The following TSPAN9 variants were observed in gnomAD, a reference collection of about 807,000 sequenced individuals.
TSPAN9 encodes the protein tetraspanin-9.
In TSPAN9, 16 loss-of-function variants were observed where a neutral mutation model predicts 31.0. The ratio of observed to expected loss-of-function variants is 0.52; its 90% CI spans 0.35 to 0.78. TSPAN9 has a LOEUF of 0.78. Among genes scored for constraint, TSPAN9 ranks in the 30% least tolerant of loss-of-function variants. TSPAN9 has a pLI of 0.01. For synonymous variants in TSPAN9, 145 were observed against 121.6 expected (o/e 1.19, Z -1.27); for missense variants, 272 against 312.5 (o/e 0.87, Z 0.98).
At chr12:3,161,022 A>G (rs573594619) in intron 2 of TSPAN9, among the ~76,000 whole-genome samples, 1 of 152,276 alleles carries the variant, frequency 6.6e-6, no homozygotes, top group African/African-American at 2.4e-5. Flanking sequence ...GCAGTTCTAG[A>G]TCAGCCTGAC....
rs2098364973 is a variant in TSPAN9 at position 3,192,542 on chromosome 12, T to C, written c.-17-8635T>C. 6.6e-6 allele frequency among the ~76,000 whole-genome samples: 1 copy of C among 151,878 alleles called. No homozygotes were observed. The highest frequency in any genetic ancestry group is 2.4e-5 in the African/African-American group (1 of 41,342). On this transcript the variant is annotated intron_variant, in intron 2 of 8. Coordinates refer to ENST00000011898, the MANE Select transcript of TSPAN9 (RefSeq NM_006675.5). The surrounding 1 kb of genome is among the most constrained non-coding windows in gnomAD (Gnocchi z 4.6). ...GCAGTGGGGTGAAAACTTAAGCCATTTGTTGAGAAGGAGCGGATAGTGCCA... is the reference window on the plus strand; with the variant it reads ...GCAGTGGGGTGAAAACTTAAGCCATCTGTTGAGAAGGAGCGGATAGTGCCA...
At chr12:3,256,374 A>G (rs746178766) in intron 3 of TSPAN9, among the ~76,000 whole-genome samples, 19 of 152,226 alleles carry the variant, frequency 1.2e-4, no homozygotes, top group Non-Finnish European at 2.5e-4. Context: ...CACTTGCCGC[A>G]GGGGTCCGGC....
chr12:3,263,828 G>A (rs2153979301), intron 3 of TSPAN9, among the ~76,000 whole-genome samples: 1 of 152,338 alleles, frequency 6.6e-6, no homozygotes, highest in Admixed American at 6.5e-5. Context: ...GGAGGAAGAG[G>A]TGGGGCTTCA....
chr12:3,207,722 G>A (rs1434670054), intron 3 of TSPAN9, among the ~76,000 whole-genome samples: 1 of 152,086 alleles, frequency 6.6e-6, no homozygotes, highest in Admixed American at 6.6e-5. Context: ...AATCTCCCTT[G>A]CAGTGGCTAG....
chr12:3,230,437 C>T (rs539473042), intron 3 of TSPAN9, among the ~76,000 whole-genome samples: 1 of 152,212 alleles, frequency 6.6e-6, no homozygotes, highest in Non-Finnish European at 1.5e-5. Context: ...TCCCTGCCTG[C>T]CTTCACCCCA....
chr12:3,220,740 C>T (rs2098384051), intron 3 of TSPAN9, among the ~76,000 whole-genome samples: 1 of 151,686 alleles, frequency 6.6e-6, no homozygotes, highest in South Asian at 2.1e-4. Context: ...AGACCTGTTT[C>T]CTGTGCTGCC....
At position 3,107,999 on chromosome 12, in the gene TSPAN9, T is replaced by C. The variant is rs1357318114; in HGVS notation, c.-18+24280T>C. Among the ~76,000 whole-genome samples the C allele has an allele frequency of 6.6e-6, 1 of 152,184 alleles. No homozygotes were observed. The highest frequency in any genetic ancestry group is 1.5e-5 in the Non-Finnish European group (1 of 68,040). On this transcript the variant is annotated intron_variant, in intron 2 of 8. Transcript: ENST00000011898. This position sits in a 1 kb window ranked among gnomAD's most constrained non-coding sequence, Gnocchi z 4.1. ...AACCTCCATACCTGATCCTCACATT[T>C]CTGGATACTCCTTGTGTACTCAGTT...
intron 2 of TSPAN9, among the ~76,000 whole-genome samples, chr12:3,130,619 G>A (rs913371908): frequency 3.9e-5 from 6 of 152,100 alleles, no homozygotes; most frequent in Non-Finnish European, 8.8e-5. Context: ...GCGTGACCTC[G>A]GGCAAGCTCC....
rs959964611 is a variant in TSPAN9, at chr12:3,277,796, C to T, written c.64-625C>T. Among the ~76,000 whole-genome samples, 4 of 152,176 alleles carry T rather than the reference C, an allele frequency of 2.6e-5. No homozygotes were observed. The East Asian group carries it at 5.8e-4, about 22-fold the overall frequency. On this transcript the variant is annotated intron_variant, in intron 3 of 8. Transcript: ENST00000011898. ...TTATTGGATGGGTGGTGAAGGCAGC[C>T]GTGGACTCCCACGTCCCGCACACTG... is the stretch of plus-strand genomic sequence containing the variant.
chr12:3,213,860 G>A lies in TSPAN9; in HGVS notation c.63+12604G>A, dbSNP rs1222907888. On this transcript the variant is annotated intron_variant, in intron 3 of 8. Coordinates refer to ENST00000011898, the MANE Select transcript of TSPAN9 (RefSeq NM_006675.5). ...GGGCAGGGAGGGGCTGGGCTGGGTG[G>A]CCACCCAAACAGCCTGCGGGATCCT... Among the ~76,000 whole-genome samples, 4 of 152,304 alleles carry A rather than the reference G, an allele frequency of 2.6e-5. No homozygotes were observed. The East Asian group carries it at 5.8e-4, about 22-fold the overall frequency.
chr12:3,273,397 C>T (rs479105), intron 3 of TSPAN9, among the ~76,000 whole-genome samples: 55,687 of 152,012 alleles, frequency 0.37, 10,537 homozygotes, highest in Middle Eastern at 0.46. Flanking sequence ...CCGGGGAGGG[C>T]ATCAATCAGG....
intron 3 of TSPAN9, among the ~76,000 whole-genome samples, chr12:3,209,228 C>T (rs12578665): frequency 0.12 from 13,676 of 117,728 alleles, 727 homozygotes; most frequent in South Asian, 0.21. Flanking sequence ...GAGTGAGACT[C>T]CATCTCAAAA....
intron 2 of TSPAN9, among the ~76,000 whole-genome samples, chr12:3,145,187 G>A (rs1369423188): frequency 6.6e-6 from 1 of 152,144 alleles, no homozygotes; most frequent in African/African-American, 2.4e-5. Flanking sequence ...CTTGGACCGT[G>A]AGGCCCTCCG....
chr12:3,211,163 T>C (rs1302276424), intron 3 of TSPAN9, among the ~76,000 whole-genome samples: 1 of 152,134 alleles, frequency 6.6e-6, no homozygotes, highest in Non-Finnish European at 1.5e-5. Context: ...TCTGGAAGCT[T>C]TTCTTTTTAT....
intron 2 of TSPAN9, among the ~76,000 whole-genome samples, chr12:3,110,777 T>C (rs2098318157): frequency 1.3e-5 from 2 of 152,226 alleles, no homozygotes; most frequent in Non-Finnish European, 2.9e-5. Context: ...ACTGTAACTC[T>C]GAACATGTTA....
At chr12:3,185,762 T>C (rs1227472438) in intron 2 of TSPAN9, among the ~76,000 whole-genome samples, 1 of 152,174 alleles carries the variant, frequency 6.6e-6, no homozygotes, top group Non-Finnish European at 1.5e-5. Flanking sequence ...CTTTAACCAC[T>C]GGGGTAGAGA....
intron 2 of TSPAN9, among the ~76,000 whole-genome samples, chr12:3,122,169 A>T (rs1446388512): frequency 1.3e-5 from 2 of 152,034 alleles, no homozygotes; most frequent in African/African-American, 4.8e-5. Flanking sequence ...CCCCATTTCT[A>T]CTAAAAATAC....
chr12:3,158,174 C>A (rs1474745360), intron 2 of TSPAN9, among the ~76,000 whole-genome samples: 1 of 152,184 alleles, frequency 6.6e-6, no homozygotes. Context: ...TTCCTGCTTC[C>A]CTGTGTCCCG....
At chr12:3,078,504 C>G (rs1361040165) in intron 1 of TSPAN9, among the ~76,000 whole-genome samples, 2 of 152,148 alleles carry the variant, frequency 1.3e-5, no homozygotes, top group African/African-American at 2.4e-5. Context: ...ACGCAGCCAG[C>G]TTGCCATCAT....
Sources: gnomAD v4.1 joint callset for allele counts (sites outside exome capture counted in the v4.1 genomes callset) on GRCh38, gnomAD v4.1.1 for gene constraint, Gnocchi (gnomAD v3.1) non-coding constraint, MANE v1.5 for transcripts, NCBI Gene and HGNC (gene_info 2026-07-23, HGNC 2026-07-21) for gene names.